The following SCARA3 variants were observed in gnomAD, a reference collection of about 807,000 sequenced individuals.
SCARA3 encodes scavenger receptor class A member 3, also known as cellular stress response gene protein.
In SCARA3, 39 loss-of-function variants were observed where a neutral mutation model predicts 47.0. The ratio of observed to expected loss-of-function variants is 0.83; its 90% CI spans 0.64 to 1.08. The LOEUF is 1.08. Ranked by LOEUF, SCARA3 falls within the 50% of genes least tolerant of loss-of-function variation. SCARA3 has a pLI of 0.00. For missense variants in SCARA3, 724 were observed against 792.3 expected (o/e 0.91, Z 1.04); for synonymous variants, 356 against 334.1 (o/e 1.07, Z -0.71).
the SCARA3 span, among the ~76,000 whole-genome samples, chr8:27,681,965 A>G: frequency 6.6e-6 from 1 of 152,196 alleles, no homozygotes; most frequent in Non-Finnish European, 1.5e-5. Flanking sequence ...AAGGACATAA[A>G]ATAGTAATGC....
chr8:27,634,407 G>A lies in SCARA3; in HGVS notation c.7+200G>A, dbSNP rs1392847188. On this transcript the variant is annotated intron_variant, in intron 1 of 5. Coordinates refer to ENST00000301904, the MANE Select transcript of SCARA3 (RefSeq NM_016240.3). ...AGGAAGCAAAGAGGAGAGGGAGGAT[G>A]GGGACACTCACACACCCCCCCTTGC... 2.0e-5 allele frequency among the ~76,000 whole-genome samples: 3 copies of A among 152,146 alleles called. No homozygotes were observed. In the East Asian group the frequency reaches 5.8e-4, roughly 29 times the overall value.
At chr8:27,691,844 G>T in the SCARA3 span, among the ~76,000 whole-genome samples, 2,335 of 152,170 alleles carry the variant, frequency 0.015, 60 homozygotes, top group African/African-American at 0.054. Flanking sequence ...TCAGGTTTCA[G>T]GTAGGAGGTT....
intron 3 of SCARA3, among the ~76,000 whole-genome samples, chr8:27,653,301 C>T (rs117996150): frequency 1.3e-5 from 2 of 152,104 alleles, no homozygotes; most frequent in Admixed American, 6.5e-5. Context: ...CAGGCTGGAG[C>T]GGGAGGCTGG....
chr8:27,719,126 A>G, the SCARA3 span, among the ~76,000 whole-genome samples: 3 of 152,260 alleles, frequency 2.0e-5, no homozygotes, highest in Middle Eastern at 3.4e-3. Context: ...CTATTCACAC[A>G]AGGAGAGAGA....
chr8:27,663,566 T>C (rs1585292591), intron 5 of SCARA3, among the ~76,000 whole-genome samples: 1 of 152,372 alleles, frequency 6.6e-6, no homozygotes, highest in South Asian at 2.1e-4. Context: ...CAGTTCATGA[T>C]TGGTGGCTCA....
At chr8:27,633,590 C>A (rs1563396478), upstream of SCARA3, among the ~76,000 whole-genome samples, 2 of 149,458 alleles carry the variant, frequency 1.3e-5, no homozygotes, top group African/African-American at 2.4e-5. Flanking sequence ...GATCAAGGAG[C>A]TCTCCCGGTG....
At chr8:27,649,295 A>T (rs905986545) in intron 1 of SCARA3, among the ~76,000 whole-genome samples, 42 of 152,214 alleles carry the variant, frequency 2.8e-4, no homozygotes, top group African/African-American at 1.0e-3. Context: ...TGCTGTGGCC[A>T]GATTCAGCCT....
chr8:27,677,897 T>C (rs898612573), downstream of SCARA3, among the ~76,000 whole-genome samples: 1 of 152,228 alleles, frequency 6.6e-6, no homozygotes, highest in African/African-American at 2.4e-5. Flanking sequence ...CAGAAAGATA[T>C]CTACTGTCTT....
At chr8:27,667,895 C>T (rs1464082315) in intron 5 of SCARA3, among the ~76,000 whole-genome samples, 3 of 152,180 alleles carry the variant, frequency 2.0e-5, no homozygotes, top group Non-Finnish European at 4.4e-5. Context: ...CCCCCGATAA[C>T]ATCGTCCACT....
chr8:27,654,180 T>A (rs1044289664), intron 3 of SCARA3, among the ~76,000 whole-genome samples: 3 of 152,152 alleles, frequency 2.0e-5, no homozygotes, highest in African/African-American at 7.2e-5. Flanking sequence ...TACAGAAAAA[T>A]GCTACTTGTA....
At chr8:27,647,249 C>G (rs942347373) in intron 1 of SCARA3, among the ~76,000 whole-genome samples, 2 of 152,212 alleles carry the variant, frequency 1.3e-5, no homozygotes, top group Non-Finnish European at 2.9e-5. Context: ...CACATGTGCA[C>G]ACATACACAA....
chr8:27,734,025 G>A, the SCARA3 span: 2 of 152,182 alleles, frequency 1.3e-5, no homozygotes, highest in Admixed American at 6.5e-5. Flanking sequence ...CTTCAAGAAC[G>A]AGTTAAAGAC....
the SCARA3 span, among the ~76,000 whole-genome samples, chr8:27,717,161 T>C: frequency 2.0e-5 from 3 of 152,216 alleles, no homozygotes; most frequent in African/African-American, 7.2e-5. Flanking sequence ...GGTACTTTGC[T>C]ATAATCTCAT....
At chr8:27,715,621 A>AGAT in the SCARA3 span, among the ~76,000 whole-genome samples, 1 of 152,126 alleles carries the variant, frequency 6.6e-6, no homozygotes, top group Non-Finnish European at 1.5e-5. The surrounding 1 kb of genome is among the most constrained non-coding windows in gnomAD (Gnocchi z 4.2). Flanking sequence ...ATAGATAGAT[A>AGAT]GATAGATAGA....
the SCARA3 span, among the ~76,000 whole-genome samples, chr8:27,730,493 T>TC: frequency 0.069 from 10,323 of 150,098 alleles, 485 homozygotes; most frequent in Non-Finnish European, 0.1. Context: ...CTTTGATTTT[T>TC]TTTTTTTTTT....
downstream of SCARA3, among the ~76,000 whole-genome samples, chr8:27,679,478 A>C (rs1802326919): frequency 6.6e-6 from 1 of 152,312 alleles, no homozygotes; most frequent in African/African-American, 2.4e-5. Context: ...ATGATAAATT[A>C]AGAATGTATA....
At chr8:27,652,112 C>T (rs972489668) in intron 3 of SCARA3, among the ~76,000 whole-genome samples, 4 of 152,212 alleles carry the variant, frequency 2.6e-5, no homozygotes, top group African/African-American at 9.7e-5. Context: ...GCAGCAATTT[C>T]ACCTCCAGTA....
intron 3 of SCARA3, among the ~76,000 whole-genome samples, chr8:27,651,872 T>C (rs1484548873): frequency 6.6e-6 from 1 of 152,218 alleles, no homozygotes; most frequent in East Asian, 1.9e-4. Flanking sequence ...TGTAATGAGA[T>C]GATACGACCA....
chr8:27,683,482 TATA>T, the SCARA3 span, among the ~76,000 whole-genome samples: 1 of 152,196 alleles, frequency 6.6e-6, no homozygotes, highest in African/African-American at 2.4e-5. Context: ...ACAACTAGAA[TATA>T]ATATTTTACT....
Sources: allele counts gnomAD v4.1 joint callset (sites outside exome capture counted in the v4.1 genomes callset), GRCh38; gene constraint gnomAD v4.1.1; non-coding constraint Gnocchi (gnomAD v3.1); transcripts MANE v1.5; gene names NCBI Gene and HGNC (gene_info 2026-07-23, HGNC 2026-07-21).